Variants in STPG2 observed in about 807,000 individuals in gnomAD.
The protein encoded by STPG2 is sperm-tail PG-rich repeat-containing protein 2.
In STPG2, 56 loss-of-function variants were observed where a neutral mutation model predicts 54.2. The observed-to-expected ratio is 1.03, with a 90% CI of 0.83 to 1.29. The LOEUF (loss-of-function observed/expected upper bound fraction) is 1.29. Among genes scored for constraint, STPG2 ranks in the 50% most tolerant of loss-of-function variants. The pLI, the probability that STPG2 is intolerant of heterozygous loss-of-function variation, is 0.00. For synonymous variants in STPG2, 200 were observed against 181.8 expected, an observed-to-expected ratio of 1.10 and a Z score of -0.81; for missense variants, 596 against 544.9, an observed-to-expected ratio of 1.09 and a Z score of -0.93.
intron 5 of STPG2, among the ~76,000 whole-genome samples, chr4:98,044,315 TC>T (rs1442864506): frequency 6.6e-6 from 1 of 152,156 alleles, no homozygotes; most frequent in Non-Finnish European, 1.5e-5. Flanking sequence ...CTGTTTAGCA[TC>T]CTTTCATCTC....
intron 8 of STPG2, among the ~76,000 whole-genome samples, chr4:97,903,402 A>T (rs1731256195): frequency 6.6e-6 from 1 of 152,116 alleles, no homozygotes; most frequent in East Asian, 1.9e-4. Flanking sequence ...AATTAAAATT[A>T]AAAAATGGCC....
chr4:97,969,150 TAGTTTC>T (rs1283217872), intron 7 of STPG2, among the ~76,000 whole-genome samples: 1 of 152,222 alleles, frequency 6.6e-6, no homozygotes, highest in Admixed American at 6.5e-5. Context: ...ACCAGTTGTC[TAGTTTC>T]AGGTCCTGTA....
At chr4:97,829,154 G>A (rs1403698974) in intron 9 of STPG2, among the ~76,000 whole-genome samples, 1 of 152,058 alleles carries the variant, frequency 6.6e-6, no homozygotes. Context: ...TGCCCCTCTG[G>A]GACGAAGCTT....
intron 5 of STPG2, among the ~76,000 whole-genome samples, chr4:97,995,177 C>T (rs971948969): frequency 6.8e-6 from 1 of 147,960 alleles, no homozygotes. Context: ...CTCACCCCCC[C>T]ACCCCCTGCA....
chr4:98,136,893 G>T (rs1740149186), intron 1 of STPG2, among the ~76,000 whole-genome samples: 1 of 151,494 alleles, frequency 6.6e-6, no homozygotes, highest in South Asian at 2.1e-4. Flanking sequence ...CATAAAAAAA[G>T]AATTATTTTT....
chr4:98,110,301 G>A (rs1490728683), intron 3 of STPG2, among the ~76,000 whole-genome samples: 1 of 152,110 alleles, frequency 6.6e-6, no homozygotes, highest in South Asian at 2.1e-4. Context: ...AAATCCTGAA[G>A]CTGGTGATCA....
At chr4:97,994,087 T>A (rs1243502543) in intron 5 of STPG2, among the ~76,000 whole-genome samples, 1 of 152,126 alleles carries the variant, frequency 6.6e-6, no homozygotes, top group Non-Finnish European at 1.5e-5. Flanking sequence ...TGTTGTTGTT[T>A]CAATTCATTT....
At chr4:97,913,086 T>C (rs1731743761) in intron 8 of STPG2, among the ~76,000 whole-genome samples, 1 of 152,216 alleles carries the variant, frequency 6.6e-6, no homozygotes, top group African/African-American at 2.4e-5. Context: ...TGTGCTAAAA[T>C]TCAGCTTTAT....
intron 6 of STPG2, among the ~76,000 whole-genome samples, chr4:97,975,598 T>C (rs1734472198): frequency 6.6e-6 from 1 of 152,140 alleles, no homozygotes; most frequent in Admixed American, 6.6e-5. Flanking sequence ...GTATGTTGTT[T>C]AAAAAATCAA....
At chr4:97,620,413 T>A (rs547320233) in intron 10 of STPG2, among the ~76,000 whole-genome samples, 1 of 152,314 alleles carries the variant, frequency 6.6e-6, no homozygotes, top group East Asian at 1.9e-4. Context: ...TGATTTCACA[T>A]TATATTTCCA....
intron 10 of STPG2, among the ~76,000 whole-genome samples, chr4:97,661,419 G>C (rs1023747788): frequency 1.3e-5 from 2 of 152,066 alleles, no homozygotes; most frequent in African/African-American, 4.8e-5. Flanking sequence ...TAAGGCCTTT[G>C]TGACATGGCC....
chr4:97,588,572 G>C (rs1369364481), intron 10 of STPG2, among the ~76,000 whole-genome samples: 2 of 152,132 alleles, frequency 1.3e-5, no homozygotes, highest in Middle Eastern at 3.4e-3. Flanking sequence ...TAAAAACTCT[G>C]ATGCTATCCA....
intron 5 of STPG2, among the ~76,000 whole-genome samples, chr4:98,024,466 ATAAAAT>A (rs1391833093): frequency 6.6e-6 from 1 of 152,210 alleles, no homozygotes; most frequent in Non-Finnish European, 1.5e-5. Context: ...CATATGTCCT[ATAAAAT>A]TAAATCAACG....
At chr4:97,568,458 G>A (rs1329777434) in intron 10 of STPG2, among the ~76,000 whole-genome samples, 1 of 152,026 alleles carries the variant, frequency 6.6e-6, no homozygotes, top group East Asian at 1.9e-4. Context: ...TCATGTGAAT[G>A]GAGACAAGTA....
intron 1 of STPG2, among the ~76,000 whole-genome samples, chr4:98,140,994 A>G (rs1740266246): frequency 6.6e-6 from 1 of 152,190 alleles, no homozygotes; most frequent in African/African-American, 2.4e-5. Context: ...AAAAGTAACA[A>G]GCAAAGGATT....
At chr4:97,561,119 C>T (rs375281119) in intron 10 of STPG2, among the ~76,000 whole-genome samples, 35 of 151,924 alleles carry the variant, frequency 2.3e-4, no homozygotes, top group African/African-American at 8.2e-4. Flanking sequence ...CCTGTTGTTT[C>T]CTGACTTTTT....
chr4:97,602,571 T>A (rs921286994), intron 10 of STPG2, among the ~76,000 whole-genome samples: 16 of 151,826 alleles, frequency 1.1e-4, no homozygotes, highest in Non-Finnish European at 4.4e-5. Context: ...GGATAGATAC[T>A]CTTAATTACA....
At chr4:97,996,061 T>C (rs1735198731) in intron 5 of STPG2, among the ~76,000 whole-genome samples, 1 of 152,206 alleles carries the variant, frequency 6.6e-6, no homozygotes, top group Non-Finnish European at 1.5e-5. Context: ...ACCAATGACA[T>C]TCTTCATAGA....
chr4:97,478,569 C>A (rs1168540908), intron 4 of STPG2, among the ~76,000 whole-genome samples: 1 of 151,976 alleles, frequency 6.6e-6, no homozygotes, highest in Non-Finnish European at 1.5e-5. Context: ...ATTATTTCAA[C>A]ATAGTCTCTA....
Sources: allele counts gnomAD v4.1 joint callset (sites outside exome capture counted in the v4.1 genomes callset), GRCh38; gene constraint gnomAD v4.1.1; transcripts MANE v1.5; gene names NCBI Gene and HGNC (gene_info 2026-07-23, HGNC 2026-07-21).